PRG3: variants seen among roughly 807,000 people sequenced by gnomAD.
The protein encoded by PRG3 is proteoglycan 3.
In PRG3, 25 loss-of-function variants were observed where a neutral mutation model predicts 26.1. The ratio of observed to expected loss-of-function variants is 0.96; its 90% CI spans 0.70 to 1.34. The LOEUF (loss-of-function observed/expected upper bound fraction) is 1.34. Ranked by LOEUF, PRG3 falls within the 40% of genes most tolerant of loss-of-function variation. The probability of loss-of-function intolerance (pLI) is 0.00; values close to 1 mark genes in which losing one functional copy is unlikely to be tolerated. For synonymous variants in PRG3, 111 were observed against 100.4 expected (o/e 1.11, Z -0.63); for missense variants, 280 against 264.8 (o/e 1.06, Z -0.40).
At position 57,379,621 on chromosome 11, in the gene PRG3, G is replaced by C. The variant is rs1326228019; in HGVS notation, c.248C>G (p.Pro83Arg). ...CTGGAAGTCCTTGTCTAAGGCAGCT[G>C]GGTCCGACTCCATGGCTTCCTCATC... ...FEDEEAMESDPAALDKDFQCP... is the reference protein window; with the variant it reads ...FEDEEAMESDRAALDKDFQCP... Residue 83 changes from proline (P) to arginine (R), a missense_variant, in exon 3 of 6, where the codon CCA becomes CGA. Coordinates refer to ENST00000287143, the MANE Select transcript of PRG3 (RefSeq NM_006093.4). The C allele has an allele frequency of 6.2e-7, 1 of 1,613,848 alleles. No homozygotes were observed. Among genetic ancestry groups the C allele is most frequent in the Non-Finnish European group, 8.5e-7 (1 of 1,180,036 alleles).
intron 4 of PRG3, 39 bp from the exon 5 acceptor site, chr11:57,377,875 A>C: frequency 1.3e-6 from 2 of 1,549,414 alleles, no homozygotes; most frequent in South Asian, 2.2e-5. Flanking sequence ...GCAGAAGTTC[A>C]GATCCAGGAC....
Position 57,379,614 on chromosome 11 carries a change from G to A in PRG3, c.255C>T (p.Ala85=), listed in dbSNP as rs151337349. The A allele has an allele frequency of 1.9e-4, 302 of 1,613,830 alleles. No homozygotes were observed. The highest frequency in any genetic ancestry group is 5.3e-5 in the African/African-American group (4 of 74,922). Residue 85 remains alanine (A), a synonymous_variant, in exon 3 of 6, where the codon GCC becomes GCT. Coordinates refer to ENST00000287143, the MANE Select transcript of PRG3 (RefSeq NM_006093.4). Reference sequence around the variant, plus strand: ...TGGGGCACTGGAAGTCCTTGTCTAAGGCAGCTGGGTCCGACTCCATGGCTT... The same window carrying A: ...TGGGGCACTGGAAGTCCTTGTCTAAAGCAGCTGGGTCCGACTCCATGGCTT... ...DEEAMESDPA[A]LDKDFQCPRE...
At chr11:57,380,843 C>T in intron 1 of PRG3, 62 bp from the exon 2 acceptor site, 1 of 615,848 alleles carries the variant, frequency 1.6e-6, no homozygotes, top group Non-Finnish European at 2.6e-6. Flanking sequence ...AACAAGATTG[C>T]TTTCTCCTCT....
rs1308460867 is a variant in PRG3, at chr11:57,377,777, G to A, written c.567C>T (p.Ser189=). ...CTTGCCCATTCCCAGGTTGCCCTGG[G>A]GACCAGTAAGCAAAATTCCAGTGGC... ...DGSHWNFAYW[S]PGQPGNGQGS... Residue 189 remains serine (S), a synonymous_variant, in exon 5 of 6, where the codon TCC becomes TCT. Transcript: ENST00000287143. The A allele has an allele frequency of 6.8e-6, 11 of 1,613,114 alleles. No individual in the cohort carries two copies. In the African/African-American group the frequency reaches 9.3e-5, roughly 14 times the overall value.
chr11:57,380,685 G>C lies in PRG3; in HGVS notation c.24C>G (p.Pro8=), dbSNP rs904110460. ...CAGAAACTGTTCCCAGCAGGAGAAAGGGCAGGAGCAAGAGGCATTGCATAT... is the reference window on the plus strand; with the variant it reads ...CAGAAACTGTTCCCAGCAGGAGAAACGGCAGGAGCAAGAGGCATTGCATAT... MQCLLLL[P]FLLLGTVSAL... The change falls in exon 2 of 6, where the codon CCC becomes CCG. Residue 8 remains proline, a synonymous_variant. Coordinates refer to ENST00000287143, the MANE Select transcript of PRG3 (RefSeq NM_006093.4). 1 of 1,577,230 alleles carries C rather than the reference G, an allele frequency of 6.3e-7. No individual in the cohort carries two copies. Among genetic ancestry groups the C allele is most frequent in the Non-Finnish European group, 8.6e-7 (1 of 1,166,388 alleles).
intron 5 of PRG3, among the ~76,000 whole-genome samples, 154 bp downstream of exon 5, chr11:57,377,571 C>T (rs546535792): frequency 1.3e-5 from 2 of 152,328 alleles, no homozygotes; most frequent in East Asian, 3.9e-4. Flanking sequence ...TTGAGGATTC[C>T]CTATGTCTCA....
At position 57,378,793 on chromosome 11, in the gene PRG3, T is replaced by C; in HGVS notation, c.395A>G (p.Tyr132Cys). 2.5e-6 allele frequency: 4 copies of C among 1,613,796 alleles called. No homozygotes were observed. The highest frequency in any genetic ancestry group is 1.1e-5 in the South Asian group (1 of 91,078). The change falls in exon 4 of 6, where the codon TAC becomes TGC. Residue 132 changes from tyrosine to cysteine, a missense_variant. Transcript: ENST00000287143. Reference protein sequence around the residue: ...AEAQNVCSRCYGGNLVSIHDF... With the variant: ...AEAQNVCSRCCGGNLVSIHDF... ...ATGGATAGAGACAAGGTTGCCTCCG[T>C]AGCATCTGCTGCAGACATTCTGCAG...
intron 3 of PRG3, 61 bp downstream of exon 3, chr11:57,379,433 A>G: frequency 6.9e-7 from 1 of 1,451,194 alleles, no homozygotes; most frequent in Non-Finnish European, 9.3e-7. Flanking sequence ...AATAGGGAAC[A>G]GAAGACTGAA....
At chr11:57,380,113 T>C (rs1856983811) in intron 2 of PRG3, among the ~76,000 whole-genome samples, 1 of 152,144 alleles carries the variant, frequency 6.6e-6, no homozygotes, top group Admixed American at 6.5e-5. Context: ...AAGTTCAGGT[T>C]ACAGTTTGCC....
In PRG3 at chr11:57,376,843, C is replaced by G. The variant is rs746110210; in HGVS notation, c.*7G>C. On this transcript the variant is annotated 3_prime_UTR_variant, in exon 6 of 6. Transcript: ENST00000287143. ...GGAGCTGCTGGCAGGGTCTCCGTGC[C>G]GCTGGCTTAGAAGGAGCAGACGAAG... 2.5e-6 allele frequency: 4 copies of G among 1,612,282 alleles called. No homozygotes were observed. The East Asian group carries it at 8.9e-5, about 36-fold the overall frequency.
At chr11:57,380,456 A>T (rs996951455) in intron 2 of PRG3, among the ~76,000 whole-genome samples, 192 bp downstream of exon 2, 50 of 151,966 alleles carry the variant, frequency 3.3e-4, no homozygotes, top group South Asian at 1.0e-3. Context: ...ACAAAAAAAA[A>T]TCAAACAAAA....
At chr11:57,379,385 T>G (rs1856975229) in intron 3 of PRG3, 109 bp downstream of exon 3, 3 of 1,125,398 alleles carry the variant, frequency 2.7e-6, no homozygotes, top group Non-Finnish European at 3.8e-6. Flanking sequence ...CAGGTGATTC[T>G]GATGCATGCG....
In PRG3 at chr11:57,377,823, C is replaced by G. The variant is rs139866329; in HGVS notation, c.521G>C (p.Arg174Pro). The change falls in exon 5 of 6, where the codon CGG (arginine) becomes CCG (proline). Residue 174 changes from arginine (R) to proline (P), a missense_variant. By Grantham distance (103) the Arg-to-Pro change is moderately radical. Coordinates refer to ENST00000287143, the MANE Select transcript of PRG3 (RefSeq NM_006093.4). The stretch of plus-strand genomic sequence containing the variant: ...GTGGCTCCCATCAGTCCAGCAAAAC[C>G]GCTTCCACAGGAACTAGAGAAGTGA... ...GNLRGWFLWK[R>P]FCWTDGSHWN... The G allele has an allele frequency of 5.6e-6, 9 of 1,612,738 alleles. No homozygotes were observed. The highest frequency in any genetic ancestry group is 7.6e-6 in the Non-Finnish European group (9 of 1,179,864).
At position 57,378,550 on chromosome 11, in the gene PRG3, C is replaced by T. The variant is rs1856965419; in HGVS notation, c.507+131G>A. Reference sequence around the variant, plus strand: ...TCAGTTCTCCTGAGCCAGTACAAGCCATCTCCAGCACATCATTGCCTGCCA... The same window carrying T: ...TCAGTTCTCCTGAGCCAGTACAAGCTATCTCCAGCACATCATTGCCTGCCA... On this transcript the variant is annotated intron_variant, in intron 4 of 5. Transcript: ENST00000287143. 4 of 1,227,380 alleles carry T rather than the reference C, an allele frequency of 3.3e-6. No homozygotes were observed. In the South Asian group the frequency reaches 4.4e-5, roughly 14 times the overall value. The allele number at this position is 1,227,380 out of a possible 1,614,324, so 76.0% of individuals were successfully genotyped here. A position where few individuals can be genotyped will look rare whatever the true frequency, so the allele number is the denominator to read the frequency against.
rs1590651863 is a variant in PRG3 at position 57,379,578 on chromosome 11, G to A, written c.291C>T (p.Asp97=). 3 of 1,613,868 alleles carry A rather than the reference G, an allele frequency of 1.9e-6. No individual in the cohort carries two copies. The highest frequency in any genetic ancestry group is 2.5e-6 in the Non-Finnish European group (3 of 1,180,004). The stretch of plus-strand genomic sequence containing the variant: ...TTGGACTTCCCTGCACTTCAACAAT[G>A]TCTTCTTCCCTGGGGCACTGGAAGT... ...DKDFQCPREE[D]IVEVQGSPRC... Residue 97 remains aspartate (D), a synonymous_variant, in exon 3 of 6, where the codon GAC becomes GAT. Transcript: ENST00000287143.
rs897769972 is a variant in PRG3, at chr11:57,376,864, C to T, written c.664G>A (p.Val222Ile). 13 of 1,612,424 alleles carry T rather than the reference C, an allele frequency of 8.1e-6. No homozygotes were observed. The African/African-American group carries it at 1.3e-4, about 17-fold the overall frequency. The change falls in exon 6 of 6, where the codon GTC becomes ATC. Residue 222 changes from valine to isoleucine, a missense_variant. Physicochemically the swap from Val to Ile is conservative, Grantham distance 29 (BLOSUM62 3). Coordinates refer to ENST00000287143, the MANE Select transcript of PRG3 (RefSeq NM_006093.4). Reference sequence around the variant, plus strand: ...GTGCCGCTGGCTTAGAAGGAGCAGACGAAGGGCAGTTGCTTGTCGCATTGA... The same window carrying T: ...GTGCCGCTGGCTTAGAAGGAGCAGATGAAGGGCAGTTGCTTGTCGCATTGA... ...RAQCDKQLPF[V>I]CSF
At chr11:57,380,155 A>C (rs921086358) in intron 2 of PRG3, among the ~76,000 whole-genome samples, 6 of 152,156 alleles carry the variant, frequency 3.9e-5, no homozygotes, top group African/African-American at 1.2e-4. Context: ...TAATCCCAGC[A>C]CTTTGGGAGG....
At chr11:57,379,346 C>T (rs935062991) in intron 3 of PRG3, 148 bp downstream of exon 3, 2 of 833,074 alleles carry the variant, frequency 2.4e-6, no homozygotes, top group Non-Finnish European at 3.7e-6. Flanking sequence ...GCAGGTGAGG[C>T]CCAGAAAGCT....
rs1856948841 is a variant in PRG3, at chr11:57,376,776, G to C, written c.*74C>G. Reference sequence around the variant, plus strand: ...GAAACGAGAGTCAGGAAATGCTGTGGGAAGTCTGGATTTATGAGCAGGAGA... The same window carrying C: ...GAAACGAGAGTCAGGAAATGCTGTGCGAAGTCTGGATTTATGAGCAGGAGA... On this transcript the variant is annotated 3_prime_UTR_variant, in exon 6 of 6. Coordinates refer to ENST00000287143, the MANE Select transcript of PRG3 (RefSeq NM_006093.4). 1.3e-6 allele frequency: 2 copies of C among 1,484,366 alleles called. No individual in the cohort carries two copies. Among genetic ancestry groups the C allele is most frequent in the Admixed American group, 1.7e-5 (1 of 59,650 alleles). 91.9% of individuals were successfully genotyped at this position (1,484,366 alleles called of 1,614,324 possible).
Sources: gnomAD v4.1 joint callset for allele counts (sites outside exome capture counted in the v4.1 genomes callset) on GRCh38, gnomAD v4.1.1 for gene constraint, MANE v1.5 for transcripts, NCBI Gene and HGNC (gene_info 2026-07-23, HGNC 2026-07-21) for gene names.